The following SHISA4 variants were observed in gnomAD, a reference collection of about 807,000 sequenced individuals.
SHISA4 encodes the protein shisa family member 4.
SHISA4 carries 16 observed loss-of-function variants against 24.2 expected under a neutral mutation model. That is an observed-to-expected ratio of 0.66 (90% CI 0.45 to 1.00). The LOEUF is 1.00. Among genes scored for constraint, SHISA4 ranks in the 50% least tolerant of loss-of-function variants. The pLI, the probability that SHISA4 is intolerant of heterozygous loss-of-function variation, is 0.00. For synonymous variants in SHISA4, 106 were observed against 105.4 expected, an observed-to-expected ratio of 1.01 and a Z score of -0.04; for missense variants, 238 against 258.9, an observed-to-expected ratio of 0.92 and a Z score of 0.55.
Position 201,891,401 on chromosome 1 carries a change from G to A in SHISA4, c.380G>A (p.Gly127Asp). Reference sequence around the variant, plus strand: ...ATGCTGATCCTTCTCCCCCATCTAGGCCAGGAGATTCCAATGACAGGCATC... The same window carrying A: ...ATGCTGATCCTTCTCCCCCATCTAGACCAGGAGATTCCAATGACAGGCATC... Reference protein sequence around the residue: ...RRQQLQSPFEGQEIPMTGIPV... With the variant: ...RRQQLQSPFEDQEIPMTGIPV... The change falls in exon 4 of 5, where the codon GGC (glycine) becomes GAC (aspartate). Residue 127 changes from glycine (G) to aspartate (D), a missense_variant and splice_region_variant. Gly to Asp is a moderately conservative substitution (Grantham distance 94). Coordinates refer to ENST00000362011, the MANE Select transcript of SHISA4 (RefSeq NM_198149.3). The A allele has an allele frequency of 6.2e-7, 1 of 1,613,814 alleles. No individual in the cohort carries two copies. The highest frequency in any genetic ancestry group is 1.1e-5 in the South Asian group (1 of 91,076).
At position 201,892,475 on chromosome 1, in the gene SHISA4, TGGCTTCCTAAA is replaced by T. The variant is rs1355126401; in HGVS notation, c.*642_*652del. On this transcript the variant is annotated 3_prime_UTR_variant, in exon 5 of 5. Coordinates refer to ENST00000362011, the MANE Select transcript of SHISA4 (RefSeq NM_198149.3). Reference sequence around the variant, plus strand: ...CAAGCAGACCAAGGCGGACTGTTCCTGGCTTCCTAAAGGCTTCCTAAAGACAATGAGGTGAA... The same window carrying T: ...CAAGCAGACCAAGGCGGACTGTTCCTGGCTTCCTAAAGACAATGAGGTGAA... Among the ~76,000 whole-genome samples the T allele has an allele frequency of 6.6e-6, 1 of 152,090 alleles. No homozygotes were observed. Among genetic ancestry groups the T allele is most frequent in the African/African-American group, 2.4e-5 (1 of 41,398 alleles).
At chr1:201,888,677 G>T (rs913280439), upstream of SHISA4, 2 of 290,316 alleles carry the variant, frequency 6.9e-6, no homozygotes, top group Non-Finnish European at 6.4e-6. Flanking sequence ...CCAACTGCCC[G>T]CAGTGCCCAT....
At position 201,890,513 on chromosome 1, in the gene SHISA4, C is replaced by T. The variant is rs1331869899; in HGVS notation, c.305C>T (p.Thr102Ile). 3.1e-6 allele frequency: 5 copies of T among 1,614,248 alleles called. No individual in the cohort carries two copies. Among genetic ancestry groups the T allele is most frequent in the Middle Eastern group, 1.6e-4 (1 of 6,062 alleles). Reference protein sequence around the residue: ...AVILFVAVVATTICCFLCSCC... With the variant: ...AVILFVAVVAITICCFLCSCC... The stretch of plus-strand genomic sequence containing the variant: ...ATCCTCTTTGTTGCTGTGGTTGCCA[C>T]CACCATCTGCTGCTTCCTCTGTTCC... Residue 102 changes from threonine (T) to isoleucine (I), a missense_variant, in exon 3 of 5, where the codon ACC becomes ATC. Coordinates refer to ENST00000362011, the MANE Select transcript of SHISA4 (RefSeq NM_198149.3).
chr1:201,890,214 CA>C (rs2102902172), intron 2 of SHISA4, among the ~76,000 whole-genome samples: 1 of 152,236 alleles, frequency 6.6e-6, no homozygotes, highest in African/African-American at 2.4e-5. Flanking sequence ...GATATAAAAG[CA>C]ATGGTTGGGG....
At chr1:201,888,737 G>A, upstream of SHISA4, 1 of 360,358 alleles carries the variant, frequency 2.8e-6, no homozygotes, top group Non-Finnish European at 5.0e-6. Flanking sequence ...AGGGGGAGCA[G>A]GGCAGTGCTC....
Position 201,889,514 on chromosome 1 carries a change from A to T in SHISA4, c.143A>T (p.Glu48Val), listed in dbSNP as rs907770592. 1 of 1,613,748 alleles carries T rather than the reference A, an allele frequency of 6.2e-7. No homozygotes were observed. Among genetic ancestry groups the T allele is most frequent in the Middle Eastern group, 1.6e-4 (1 of 6,062 alleles). ...TCCTGGCATCCGGGGTTTAACTGCGAGTTCTTCACCTTCTGCTGCGGGACC... is the reference window on the plus strand; with the variant it reads ...TCCTGGCATCCGGGGTTTAACTGCGTGTTCTTCACCTTCTGCTGCGGGACC... The part of the protein sequence containing the change: ...NGSWHPGFNC[E>V]FFTFCCGTCY... Residue 48 changes from glutamate to valine, a missense_variant, in exon 2 of 5, where the codon GAG (glutamate) becomes GTG (valine). Coordinates refer to ENST00000362011, the MANE Select transcript of SHISA4 (RefSeq NM_198149.3).
intron 1 of SHISA4, 160 bp from the exon 2 acceptor site, chr1:201,889,285 C>A: frequency 9.4e-7 from 1 of 1,058,956 alleles, no homozygotes; most frequent in Non-Finnish European, 1.3e-6. Flanking sequence ...CAGGCAGAGG[C>A]CTCGGGGGCT....
rs762240367 is a variant in SHISA4 at position 201,891,820 on chromosome 1, C to T, written c.568C>T (p.Pro190Ser). ...NPAAPPPYMPPQPSYPGA is the reference protein window; with the variant it reads ...NPAAPPPYMPSQPSYPGA ...TTCAGCTCCTCCTCCCTATATGCCA[C>T]CACAGCCCTCTTACCCGGGAGCCTG... Residue 190 changes from proline (P) to serine (S), a missense_variant, in exon 5 of 5, where the codon CCA (proline) becomes TCA (serine). Coordinates refer to ENST00000362011, the MANE Select transcript of SHISA4 (RefSeq NM_198149.3). 5.0e-6 allele frequency: 8 copies of T among 1,614,030 alleles called. No homozygotes were observed. In the East Asian group the frequency reaches 1.8e-4, roughly 36 times the overall value.
At chr1:201,889,750 C>T in intron 2 of SHISA4, 134 bp downstream of exon 2, 1 of 1,083,684 alleles carries the variant, frequency 9.2e-7, no homozygotes, top group Non-Finnish European at 1.3e-6. Context: ...CACCAGGACT[C>T]AAGCCTGGCG....
In SHISA4 at chr1:201,888,974, C is replaced by T. The variant is rs1681038042; in HGVS notation, c.-21C>T. ...GTCCCTTCTCTGGGAGGCCCGACCC[C>T]GGCCGCGCCCAGCCCCCACCATGCC... On this transcript the variant is annotated 5_prime_UTR_variant, in exon 1 of 5. Coordinates refer to ENST00000362011, the MANE Select transcript of SHISA4 (RefSeq NM_198149.3). The T allele has an allele frequency of 1.5e-6, 2 of 1,378,646 alleles. No homozygotes were observed. Among genetic ancestry groups the T allele is most frequent in the South Asian group, 1.8e-5 (1 of 56,550 alleles). The allele number at this position is 1,378,646 out of a possible 1,614,324, so 85.4% of individuals were successfully genotyped here. A position where few individuals can be genotyped will look rare whatever the true frequency, so the allele number is the denominator to read the frequency against.
At position 201,891,558 on chromosome 1, in the gene SHISA4, C is replaced by G; in HGVS notation, c.537C>G (p.Tyr179Ter). The change falls in exon 4 of 5, where the codon TAC becomes TAG. Residue 179 changes from tyrosine (Y) to a stop codon, truncating the protein, a stop_gained. Coordinates refer to ENST00000362011, the MANE Select transcript of SHISA4 (RefSeq NM_198149.3). LOFTEE classifies it high-confidence loss of function. ...TCTACCCAGCTGGGCCCCCAGTCTA[C>G]AACCCTGCAGGTAAGTAAGCAATCT... ...YPLYPAGPPV[Y>*]NPAAPPPYMP... 6.2e-7 allele frequency: 1 copy of G among 1,610,762 alleles called. No homozygotes were observed. Among genetic ancestry groups the G allele is most frequent in the Non-Finnish European group, 8.5e-7 (1 of 1,178,256 alleles).
intron 1 of SHISA4, 154 bp downstream of exon 1, chr1:201,889,221 G>T: frequency 5.4e-6 from 5 of 925,702 alleles, no homozygotes; most frequent in Non-Finnish European, 6.3e-6. Context: ...CGGGAAGAGG[G>T]AGCTCCAGGA....
In SHISA4 at chr1:201,889,028, C is replaced by T; in HGVS notation, c.34C>T (p.Leu12Phe). 7.2e-7 allele frequency: 1 copy of T among 1,381,598 alleles called. No homozygotes were observed. Among genetic ancestry groups the T allele is most frequent in the South Asian group, 1.8e-5 (1 of 55,630 alleles). 85.6% of individuals were successfully genotyped at this position (1,381,598 alleles called of 1,614,324 possible). A position where few individuals can be genotyped will look rare whatever the true frequency, so the allele number is the denominator to read the frequency against. ...CGCGGGGCTCCGCCGGGCCGCGCCGCTCACCGCAATCGCTCTGTTGGTGCT... is the reference window on the plus strand; with the variant it reads ...CGCGGGGCTCCGCCGGGCCGCGCCGTTCACCGCAATCGCTCTGTTGGTGCT... ...PPAGLRRAAP[L>F]TAIALLVLGA... Residue 12 changes from leucine (L) to phenylalanine (F), a missense_variant, in exon 1 of 5, where the codon CTC (leucine) becomes TTC (phenylalanine). Physicochemically the swap from Leu to Phe is conservative, Grantham distance 22 (BLOSUM62 0). Coordinates refer to ENST00000362011, the MANE Select transcript of SHISA4 (RefSeq NM_198149.3).
intron 4 of SHISA4, 53 bp from the exon 5 acceptor site, chr1:201,891,747 T>A (rs1221945467): frequency 6.2e-7 from 1 of 1,607,110 alleles, no homozygotes; most frequent in Non-Finnish European, 8.5e-7. Flanking sequence ...GGGGTGTTAC[T>A]TTTCGTCCAC....
chr1:201,891,736 AG>A lies in SHISA4; in HGVS notation c.548-60del, dbSNP rs1681103681. Reference sequence around the variant, plus strand: ...TATGGGTCCTGTCTGCCCCGGGGGCAGGGGTGTTACTTTTCGTCCACCTATG... The same window carrying A: ...TATGGGTCCTGTCTGCCCCGGGGGCAGGGTGTTACTTTTCGTCCACCTATG... On this transcript the variant is annotated intron_variant, in intron 4 of 4. Coordinates refer to ENST00000362011, the MANE Select transcript of SHISA4 (RefSeq NM_198149.3). 6 of 1,594,662 alleles carry A rather than the reference AG, an allele frequency of 3.8e-6. No individual in the cohort carries two copies. In the South Asian group the frequency reaches 5.5e-5, roughly 15 times the overall value.
At chr1:201,889,128 G>T (rs960662298) in intron 1 of SHISA4, 61 bp downstream of exon 1, 1 of 1,354,482 alleles carries the variant, frequency 7.4e-7, no homozygotes, top group South Asian at 1.6e-5. Flanking sequence ...GGGAGGGACC[G>T]ATCCGAGGGG....
Position 201,889,536 on chromosome 1 carries a change from G to T in SHISA4, c.165G>T (p.Gly55=), listed in dbSNP as rs746298742. Reference sequence around the variant, plus strand: ...GCGAGTTCTTCACCTTCTGCTGCGGGACCTGCTACCATCGGTACTGCTGCA... The same window carrying T: ...GCGAGTTCTTCACCTTCTGCTGCGGTACCTGCTACCATCGGTACTGCTGCA... ...FNCEFFTFCC[G]TCYHRYCCRD... is the part of the protein sequence containing the mutation. The change falls in exon 2 of 5, where the codon GGG becomes GGT. Residue 55 remains glycine, a synonymous_variant. Coordinates refer to ENST00000362011, the MANE Select transcript of SHISA4 (RefSeq NM_198149.3). The T allele has an allele frequency of 1.2e-6, 2 of 1,614,062 alleles. No individual in the cohort carries two copies. The highest frequency in any genetic ancestry group is 8.5e-7 in the Non-Finnish European group (1 of 1,180,022).
chr1:201,890,505 G>A lies in SHISA4; in HGVS notation c.297G>A (p.Val99=). The A allele has an allele frequency of 6.2e-7, 1 of 1,614,238 alleles. No individual in the cohort carries two copies. Among genetic ancestry groups the A allele is most frequent in the Non-Finnish European group, 8.5e-7 (1 of 1,180,050 alleles). Residue 99 remains valine (V), a synonymous_variant, in exon 3 of 5, where the codon GTG becomes GTA. Transcript: ENST00000362011. ...IASAVILFVA[V]VATTICCFLC... ...CAGCTGTGATCCTCTTTGTTGCTGT[G>A]GTTGCCACCACCATCTGCTGCTTCC...
Position 201,888,918 on chromosome 1 carries a change from C to A in SHISA4, c.-77C>A. 1 of 1,051,932 alleles carries A rather than the reference C, an allele frequency of 9.5e-7. No individual in the cohort carries two copies. Among genetic ancestry groups the A allele is most frequent in the Non-Finnish European group, 1.2e-6 (1 of 801,842 alleles). The allele number at this position is 1,051,932 out of a possible 1,614,324, so 65.2% of individuals were successfully genotyped here. A position where few individuals can be genotyped will look rare whatever the true frequency, so the allele number is the denominator to read the frequency against. ...AGCCTGGCCGCGGGCTGGGCCCCGC[C>A]GCAGCTCCAGCTGGCCGGCTTGGTC... is the stretch of plus-strand genomic sequence containing the variant. On this transcript the variant is annotated 5_prime_UTR_variant, in exon 1 of 5. Coordinates refer to ENST00000362011, the MANE Select transcript of SHISA4 (RefSeq NM_198149.3).
Sources: allele counts gnomAD v4.1 joint callset (sites outside exome capture counted in the v4.1 genomes callset), GRCh38; gene constraint gnomAD v4.1.1; transcripts MANE v1.5; gene names NCBI Gene and HGNC (gene_info 2026-07-23, HGNC 2026-07-21).